The following MTTP variants were observed in gnomAD, a reference collection of about 807,000 sequenced individuals.
MTTP encodes the protein microsomal triglyceride transfer protein.
A neutral mutation model predicts 90.6 loss-of-function variants in MTTP; 49 were observed. That is an observed-to-expected ratio of 0.54 (90% CI 0.43 to 0.69). The LOEUF (loss-of-function observed/expected upper bound fraction) is 0.69, where lower values mean the gene tolerates loss of function less well. Among genes scored for constraint, MTTP ranks in the 30% least tolerant of loss-of-function variants. The pLI, the probability that MTTP is intolerant of heterozygous loss-of-function variation, is 0.00. For missense variants in MTTP, 945 were observed against 1,067.5 expected (o/e 0.89, Z 1.60); for synonymous variants, 347 against 384.2 (o/e 0.90, Z 1.13).
intron 8 of MTTP, among the ~76,000 whole-genome samples, chr4:99,598,574 A>G (rs952520876): frequency 6.6e-6 from 1 of 151,980 alleles, no homozygotes; most frequent in Non-Finnish European, 1.5e-5. Flanking sequence ...GTGTAATAGA[A>G]AGGATACTAA....
chr4:99,596,989 T>G lies in MTTP; in HGVS notation c.910-78T>G. On this transcript the variant is annotated intron_variant, in intron 7 of 17. Coordinates refer to ENST00000265517, the MANE Select transcript of MTTP (RefSeq NM_001386140.1). ...GCTTCAGACACAAGGGACATTTTAT[T>G]CCTAGGAGAACACCCTTTGTAAATG... 5.7e-6 allele frequency: 9 copies of G among 1,591,720 alleles called. No individual in the cohort carries two copies. The South Asian group carries it at 1.0e-4, about 18-fold the overall frequency.
chr4:99,606,413 C>A (rs1439230055), intron 10 of MTTP, among the ~76,000 whole-genome samples: 1 of 152,136 alleles, frequency 6.6e-6, no homozygotes, highest in East Asian at 1.9e-4. Context: ...GTTGCTTTAG[C>A]AATTCAGTGA....
chr4:99,579,854 A>G (rs1725060156), intron 1 of MTTP, among the ~76,000 whole-genome samples: 1 of 151,778 alleles, frequency 6.6e-6, no homozygotes, highest in African/African-American at 2.4e-5. Context: ...CCTGGCCAAC[A>G]AGGCAAAACC....
Position 99,600,582 on chromosome 4 carries a change from C to G in MTTP, c.1085C>G (p.Ala362Gly). Residue 362 changes from alanine (A) to glycine (G), a missense_variant, in exon 9 of 18, where the codon GCT becomes GGT. Physicochemically the swap from Ala to Gly is moderately conservative, Grantham distance 60 (BLOSUM62 0). Coordinates refer to ENST00000265517, the MANE Select transcript of MTTP (RefSeq NM_001386140.1). ...NKEVLPQLVD[A>G]VTSAQTSDSL... Reference sequence around the variant, plus strand: ...TTTTATAGACCTCAGCTGGTGGATGCTGTCACCTCTGCTCAGACCTCAGAC... The same window carrying G: ...TTTTATAGACCTCAGCTGGTGGATGGTGTCACCTCTGCTCAGACCTCAGAC... The G allele has an allele frequency of 6.2e-7, 1 of 1,613,606 alleles. No homozygotes were observed. Among genetic ancestry groups the G allele is most frequent in the African/African-American group, 1.3e-5 (1 of 74,980 alleles).
At chr4:99,597,031 T>C (rs1054012518) in intron 7 of MTTP, 36 bp from the exon 8 acceptor site, 2 of 1,612,214 alleles carry the variant, frequency 1.2e-6, no homozygotes, top group East Asian at 2.2e-5. Context: ...TTCACAGTTA[T>C]GAGTGGGGTA....
chr4:99,584,611 C>T (rs1168091050), intron 3 of MTTP, among the ~76,000 whole-genome samples: 1 of 152,110 alleles, frequency 6.6e-6, no homozygotes, highest in Non-Finnish European at 1.5e-5. Flanking sequence ...TCCTTCTTTA[C>T]TTGTCAAAAT....
intron 3 of MTTP, 44 bp downstream of exon 3, chr4:99,583,561 A>G (rs969413052): frequency 1.9e-6 from 3 of 1,610,214 alleles, no homozygotes; most frequent in Non-Finnish European, 2.5e-6. Flanking sequence ...CCAACTTCAT[A>G]TTTTTCTTCC....
At chr4:99,576,915 A>G (rs539055712) in intron 1 of MTTP, among the ~76,000 whole-genome samples, 17 of 152,232 alleles carry the variant, frequency 1.1e-4, no homozygotes, top group Non-Finnish European at 2.1e-4. Context: ...TACTATTGCA[A>G]AGGTTACTGA....
At chr4:99,590,104 CT>C (rs11376480) in intron 4 of MTTP, among the ~76,000 whole-genome samples, 5 of 151,090 alleles carry the variant, frequency 3.3e-5, no homozygotes, top group Non-Finnish European at 5.9e-5. Flanking sequence ...ACCCGAACGT[CT>C]TTTTTTTTGA....
At chr4:99,594,324 CA>C (rs1175089198) in intron 6 of MTTP, among the ~76,000 whole-genome samples, 3 of 152,160 alleles carry the variant, frequency 2.0e-5, no homozygotes, top group Non-Finnish European at 1.5e-5. Flanking sequence ...GCATGTCAGA[CA>C]AAAATAGAGT....
chr4:99,597,002 C>A, intron 7 of MTTP, 65 bp from the exon 8 acceptor site: 2 of 1,597,714 alleles, frequency 1.3e-6, no homozygotes, highest in Non-Finnish European at 8.6e-7. Flanking sequence ...TAGGAGAACA[C>A]CCTTTGTAAA....
upstream of MTTP, chr4:99,574,741 T>G: frequency 6.1e-6 from 9 of 1,481,208 alleles, no homozygotes; most frequent in Non-Finnish European, 8.3e-6. Context: ...AGCCCTTCAG[T>G]GAACTTAGGT....
rs1484010238 is a variant in MTTP at position 99,591,783 on chromosome 4, G to C, written c.751G>C (p.Val251Leu). 1 of 1,611,604 alleles carries C rather than the reference G, an allele frequency of 6.2e-7. No individual in the cohort carries two copies. The highest frequency in any genetic ancestry group is 2.2e-5 in the East Asian group (1 of 44,800). Residue 251 changes from valine to leucine, a missense_variant, in exon 6 of 18, where the codon GTA becomes CTA. Val to Leu is a conservative substitution (Grantham distance 32, BLOSUM62 1). Transcript: ENST00000265517. ...CCTACAAACCATTAAGGGGAAAATAGTATCGAAGTAAGATAATGCTAAAAT... is the reference window on the plus strand; with the variant it reads ...CCTACAAACCATTAAGGGGAAAATACTATCGAAGTAAGATAATGCTAAAAT... ...NFLQTIKGKIVSKQKLELKTT... is the reference protein window; with the variant it reads ...NFLQTIKGKILSKQKLELKTT...
chr4:99,609,823 G>A (rs1725908015), intron 12 of MTTP, among the ~76,000 whole-genome samples: 2 of 152,222 alleles, frequency 1.3e-5, no homozygotes, highest in Admixed American at 1.3e-4. Flanking sequence ...AAGTGAGTGA[G>A]AAAAGAAGCC....
At position 99,591,252 on chromosome 4, in the gene MTTP, T is replaced by C. The variant is rs777931056; in HGVS notation, c.519T>C (p.Asn173=). 1 of 1,612,350 alleles carries C rather than the reference T, an allele frequency of 6.2e-7. No individual in the cohort carries two copies. The highest frequency in any genetic ancestry group is 8.5e-7 in the Non-Finnish European group (1 of 1,178,494). The change falls in exon 5 of 18, where the codon AAT becomes AAC. Residue 173 remains asparagine, a synonymous_variant. Transcript: ENST00000265517. ...CTTTTTAGGTAGATATCTCTGGAAA[T>C]TGTAAAGTGACCTACCAGGCTCATC... ...GTTNEVDISG[N]CKVTYQAHQD... is the part of the protein sequence containing the mutation.
intron 1 of MTTP, 53 bp from the exon 2 acceptor site, chr4:99,581,852 A>G (rs1725122909): frequency 1.3e-6 from 2 of 1,577,462 alleles, no homozygotes; most frequent in Non-Finnish European, 1.7e-6. Flanking sequence ...TGATGGTGAG[A>G]CAGCATGTTC....
intron 8 of MTTP, 34 bp downstream of exon 8, chr4:99,597,258 T>C: frequency 6.2e-7 from 1 of 1,608,084 alleles, no homozygotes; most frequent in Non-Finnish European, 8.5e-7. Context: ...GGGTTGTCTG[T>C]CAGAAACATT....
At chr4:99,569,804 T>C (rs1724794303) in intron 1 of MTTP, among the ~76,000 whole-genome samples, 1 of 151,984 alleles carries the variant, frequency 6.6e-6, no homozygotes, top group South Asian at 2.1e-4. Context: ...CTTCCTTTAC[T>C]TACTAAGATA....
chr4:99,572,552 T>C (rs554951673), upstream of MTTP, among the ~76,000 whole-genome samples: 7 of 152,206 alleles, frequency 4.6e-5, no homozygotes, highest in Admixed American at 3.3e-4. Flanking sequence ...TTTTCTAATA[T>C]GTCAAATGAC....
Sources: allele counts gnomAD v4.1 joint callset (sites outside exome capture counted in the v4.1 genomes callset), GRCh38; gene constraint gnomAD v4.1.1; transcripts MANE v1.5; gene names NCBI Gene and HGNC (gene_info 2026-07-23, HGNC 2026-07-21).